PIGB: variants seen among roughly 807,000 people sequenced by gnomAD.
The protein encoded by PIGB is GPI alpha-1,2-mannosyltransferase 3.
PIGB carries 58 observed loss-of-function variants against 68.4 expected under a neutral mutation model. The ratio of observed to expected loss-of-function variants is 0.85; its 90% CI spans 0.69 to 1.06. The LOEUF is 1.06. Among genes scored for constraint, PIGB ranks in the 50% least tolerant of loss-of-function variants. The pLI, the probability that PIGB is intolerant of heterozygous loss-of-function variation, is 0.00. For missense variants in PIGB, 634 were observed against 655.8 expected (o/e 0.97, Z 0.36); for synonymous variants, 219 against 220.5 (o/e 0.99, Z 0.06).
intron 10 of PIGB, among the ~76,000 whole-genome samples, chr15:55,352,807 C>G (rs1332361098): frequency 6.6e-6 from 1 of 152,112 alleles, no homozygotes; most frequent in Non-Finnish European, 1.5e-5. Context: ...CTCAGTCTGG[C>G]TTTAAACAAT....
chr15:55,354,900 C>T lies in PIGB; in HGVS notation c.1440C>T (p.Pro480=). 6.2e-7 allele frequency: 1 copy of T among 1,613,436 alleles called. No homozygotes were observed. Among genetic ancestry groups the T allele is most frequent in the South Asian group, 1.1e-5 (1 of 90,976 alleles). ...AAGCAGATGTATTTTACCTAAATCC[C>T]TTAAACTGGTTACATAGAGAGTTTC... ...LDEADVFYLN[P]LNWLHREFHD... Residue 480 remains proline (P), a synonymous_variant, in exon 11 of 12, where the codon CCC becomes CCT. Transcript: ENST00000164305.
At chr15:55,348,172 A>G (rs2055843510) in intron 9 of PIGB, among the ~76,000 whole-genome samples, 1 of 152,000 alleles carries the variant, frequency 6.6e-6, no homozygotes, top group South Asian at 2.1e-4. Flanking sequence ...TTTTTAGTAG[A>G]GATGGGTTTT....
At chr15:55,338,090 CTT>C (rs1382773538) in intron 6 of PIGB, among the ~76,000 whole-genome samples, 1 of 152,168 alleles carries the variant, frequency 6.6e-6, no homozygotes, top group Non-Finnish European at 1.5e-5. Flanking sequence ...TGCTAATACT[CTT>C]TATCCTGCTC....
intron 9 of PIGB, among the ~76,000 whole-genome samples, chr15:55,346,121 T>C (rs1227893342): frequency 6.6e-6 from 1 of 152,228 alleles, no homozygotes; most frequent in Non-Finnish European, 1.5e-5. Context: ...GTATTAGTGA[T>C]TGCTGGAAAA....
rs1263024007 is a variant in PIGB, at chr15:55,333,342, T to C, written c.654-525T>C. On this transcript the variant is annotated intron_variant, in intron 5 of 11. Coordinates refer to ENST00000164305, the MANE Select transcript of PIGB (RefSeq NM_004855.5). ...CAGGCACTGTGGCTCCTGCCTGTAA[T>C]CCCAGCACTTTAGGAGGCTGAGGCT... is the stretch of plus-strand genomic sequence containing the variant. Among the ~76,000 whole-genome samples the C allele has an allele frequency of 2.6e-5, 4 of 152,312 alleles. No homozygotes were observed. In the East Asian group the frequency reaches 7.7e-4, roughly 29 times the overall value.
intron 4 of PIGB, among the ~76,000 whole-genome samples, chr15:55,328,975 A>T (rs1194788831): frequency 6.6e-6 from 1 of 152,186 alleles, no homozygotes; most frequent in Non-Finnish European, 1.5e-5. Flanking sequence ...AAAAGGATAC[A>T]GCACTAGGTT....
At chr15:55,329,044 A>T (rs534810978) in intron 4 of PIGB, among the ~76,000 whole-genome samples, 2 of 152,212 alleles carry the variant, frequency 1.3e-5, no homozygotes, top group South Asian at 4.1e-4. Flanking sequence ...TTTAAAGGCT[A>T]TATTTGGTGA....
Position 55,354,964 on chromosome 15 carries a change from A to G in PIGB, c.1504A>G (p.Ser502Gly), listed in dbSNP as rs652397. The G allele has an allele frequency of 7.8e-4, 1,260 of 1,611,128 alleles. 11 individuals carry two copies. The African/African-American group carries it at 0.015, about 20-fold the overall frequency. Residue 502 changes from serine (S) to glycine (G), a missense_variant, in exon 11 of 12, where the codon AGC (serine) becomes GGC (glycine). Coordinates refer to ENST00000164305, the MANE Select transcript of PIGB (RefSeq NM_004855.5). ...ASLPTHLITF[S>G]ILEEEISAFL... The stretch of plus-strand genomic sequence containing the variant: ...ATTGCCTACTCACTTGATCACCTTC[A>G]GCATTTTGGAAGAGGTAAGTAAACA...
At chr15:55,349,563 TCAC>T (rs1446923627) in intron 9 of PIGB, 2 of 152,224 alleles carry the variant, frequency 1.3e-5, no homozygotes, top group Non-Finnish European at 2.9e-5. Context: ...GCTACATTTT[TCAC>T]CACACCACTT....
Position 55,334,015 on chromosome 15 carries a change from T to G in PIGB, c.794+8T>G. On this transcript the variant is annotated splice_region_variant and intron_variant, in intron 6 of 11. Transcript: ENST00000164305. ...TCATTTTTTACCTGTAGGGTAAGTG[T>G]GGCAATAATCCATCCATTTATTTTA... The G allele has an allele frequency of 6.4e-7, 1 of 1,569,416 alleles. No homozygotes were observed. The highest frequency in any genetic ancestry group is 8.6e-7 in the Non-Finnish European group (1 of 1,157,094).
rs1199777976 is a variant in PIGB, at chr15:55,329,209, TCTCC to T, written c.523-514_523-511del. Among the ~76,000 whole-genome samples, 549 of 152,340 alleles carry T rather than the reference TCTCC, an allele frequency of 3.6e-3. 6 individuals are homozygous for T. The highest frequency in any genetic ancestry group is 0.014 in the Middle Eastern group (4 of 294). Reference sequence around the variant, plus strand: ...ATCTCCAAATTAAAATTTAATAATGTCTCCTGACTTTTTTTTCCTCTTTCCTCTT... The same window carrying T: ...ATCTCCAAATTAAAATTTAATAATGTTGACTTTTTTTTCCTCTTTCCTCTT... On this transcript the variant is annotated intron_variant, in intron 4 of 11. Coordinates refer to ENST00000164305, the MANE Select transcript of PIGB (RefSeq NM_004855.5).
At chr15:55,321,940 C>T (rs1271101883) in intron 3 of PIGB, among the ~76,000 whole-genome samples, 6 of 146,136 alleles carry the variant, frequency 4.1e-5, no homozygotes, top group East Asian at 2.2e-4. Flanking sequence ...TTTGGGAGGC[C>T]GAGGCGGGCG....
At chr15:55,324,013 G>C (rs2055222773) in intron 3 of PIGB, among the ~76,000 whole-genome samples, 1 of 152,074 alleles carries the variant, frequency 6.6e-6, no homozygotes, top group Non-Finnish European at 1.5e-5. Context: ...TCAGCCTCCC[G>C]AGTAGCTGGG....
intron 3 of PIGB, chr15:55,324,838 T>G (rs538687395): frequency 1.0e-6 from 1 of 980,934 alleles, no homozygotes; most frequent in Non-Finnish European, 1.2e-6. Flanking sequence ...ACAGAAGGTA[T>G]GTACATGAGT....
chr15:55,339,572 T>G (rs1376876276), intron 7 of PIGB, among the ~76,000 whole-genome samples: 2 of 152,260 alleles, frequency 1.3e-5, no homozygotes, highest in East Asian at 3.8e-4. Context: ...TTGCTGTTTC[T>G]GTCATTATTG....
In PIGB at chr15:55,341,807, G is replaced by C. The variant is rs778242837; in HGVS notation, c.1123+5G>C. ...CATTCTGTATGGTGTTCTGTGGTAA[G>C]TGCTTTTGTTTGTTATAGAAAATAA... is the stretch of plus-strand genomic sequence containing the variant. On this transcript the variant is annotated splice_donor_5th_base_variant and intron_variant, in intron 9 of 11. Coordinates refer to ENST00000164305, the MANE Select transcript of PIGB (RefSeq NM_004855.5). The C allele has an allele frequency of 7.3e-7, 1 of 1,363,586 alleles. No individual in the cohort carries two copies. Among genetic ancestry groups the C allele is most frequent in the South Asian group, 1.7e-5 (1 of 57,756 alleles). The allele number at this position is 1,363,586 out of a possible 1,614,324, so 84.5% of individuals were successfully genotyped here.
In PIGB at chr15:55,350,650, TAACAA is replaced by T. The variant is rs761091213; in HGVS notation, c.1124-46_1124-42del. ...ATTACAGATGTATTTGCAGTTAACA[TAACAA>T]AAGATTGTCAGTGTTAAGGTTCAAT... On this transcript the variant is annotated intron_variant, in intron 9 of 11. Coordinates refer to ENST00000164305, the MANE Select transcript of PIGB (RefSeq NM_004855.5). 12 of 1,158,986 alleles carry T rather than the reference TAACAA, an allele frequency of 1.0e-5. No individual in the cohort carries two copies. In the African/African-American group the frequency reaches 1.7e-4, roughly 16 times the overall value. The allele number at this position is 1,158,986 out of a possible 1,614,324, so 71.8% of individuals were successfully genotyped here.
chr15:55,332,524 C>T (rs1400267393), intron 5 of PIGB, among the ~76,000 whole-genome samples: 1 of 152,002 alleles, frequency 6.6e-6, no homozygotes, highest in Non-Finnish European at 1.5e-5. Flanking sequence ...GCACCTGCCA[C>T]CACACCCAGC....
In PIGB at chr15:55,333,920, T is replaced by C. The variant is rs756243186; in HGVS notation, c.707T>C (p.Val236Ala). The part of the protein sequence containing the change: ...ALAFIIRPTA[V>A]ILWTPLLFRH... The stretch of plus-strand genomic sequence containing the variant: ...GCCTTCATAATTCGTCCCACAGCTG[T>C]CATTCTGTGGACACCTTTGCTCTTC... The change falls in exon 6 of 12, where the codon GTC becomes GCC. Residue 236 changes from valine to alanine, a missense_variant. Val to Ala is a moderately conservative substitution (Grantham distance 64). Transcript: ENST00000164305. 10 of 1,607,832 alleles carry C rather than the reference T, an allele frequency of 6.2e-6. No individual in the cohort carries two copies. The East Asian group carries it at 2.0e-4, about 32-fold the overall frequency.
Sources: allele counts gnomAD v4.1 joint callset (sites outside exome capture counted in the v4.1 genomes callset), GRCh38; gene constraint gnomAD v4.1.1; transcripts MANE v1.5; gene names NCBI Gene and HGNC (gene_info 2026-07-23, HGNC 2026-07-21).